Variants in TMTC2 observed in about 807,000 individuals in gnomAD.
TMTC2 encodes the protein transmembrane O-mannosyltransferase targeting cadherins 2.
TMTC2 carries 43 observed loss-of-function variants against 82.4 expected under a neutral mutation model. The ratio of observed to expected loss-of-function variants is 0.52; its 90% CI spans 0.41 to 0.67. The LOEUF (loss-of-function observed/expected upper bound fraction) is 0.67, where lower values mean the gene tolerates loss of function less well. Among genes scored for constraint, TMTC2 ranks in the 30% least tolerant of loss-of-function variants. The probability of loss-of-function intolerance (pLI) is 0.00; values close to 1 mark genes in which losing one functional copy is unlikely to be tolerated. For missense variants in TMTC2, 919 were observed against 1,012.4 expected (o/e 0.91, Z 1.25); for synonymous variants, 408 against 381.9 (o/e 1.07, Z -0.80).
intron 11 of TMTC2, among the ~76,000 whole-genome samples, chr12:83,069,926 C>T (rs544054657): frequency 4.6e-5 from 7 of 152,086 alleles, no homozygotes; most frequent in Non-Finnish European, 4.4e-5. Context: ...ATTATCCCAG[C>T]ACCATTTGTT....
chr12:82,967,191 C>A (rs920480961), intron 7 of TMTC2, among the ~76,000 whole-genome samples, 194 bp downstream of exon 7: 1 of 152,014 alleles, frequency 6.6e-6, no homozygotes, highest in African/African-American at 2.4e-5. Context: ...ATTAAAGCAG[C>A]GATTCCCAAC....
At chr12:82,997,221 C>CTCTCTCTCTCTCTCTCTA (rs1451262969) in intron 8 of TMTC2, among the ~76,000 whole-genome samples, 7 of 118,546 alleles carry the variant, frequency 5.9e-5, no homozygotes, top group African/African-American at 2.2e-4. Flanking sequence ...CTCTCTCTCT[C>CTCTCTCTCTCTCTCTCTA]TATATATATA....
chr12:82,741,643 C>T (rs908683485), intron 1 of TMTC2, among the ~76,000 whole-genome samples: 7 of 152,148 alleles, frequency 4.6e-5, no homozygotes, highest in African/African-American at 7.2e-5. Flanking sequence ...CCAATCTGAC[C>T]TTCTTTACCT....
intron 1 of TMTC2, among the ~76,000 whole-genome samples, chr12:82,796,513 G>T (rs566186620): frequency 8.6e-5 from 13 of 152,028 alleles, no homozygotes; most frequent in Non-Finnish European, 1.5e-4. Flanking sequence ...TTACATTTTG[G>T]TGAAAATAAT....
chr12:82,741,925 C>G (rs1288950792), intron 1 of TMTC2, among the ~76,000 whole-genome samples: 1 of 152,066 alleles, frequency 6.6e-6, no homozygotes, highest in African/African-American at 2.4e-5. Flanking sequence ...GAGCAATGAC[C>G]AAGATGCAAG....
intron 9 of TMTC2, among the ~76,000 whole-genome samples, chr12:83,032,090 G>A (rs566687321): frequency 2.2e-4 from 33 of 151,664 alleles, no homozygotes; most frequent in Admixed American, 1.3e-4. Flanking sequence ...CATGAATGTC[G>A]TTCCATGGTG....
chr12:82,953,216 G>T (rs1164422570), intron 4 of TMTC2, among the ~76,000 whole-genome samples: 1 of 152,162 alleles, frequency 6.6e-6, no homozygotes, highest in Admixed American at 6.5e-5. Context: ...TTCTTGTGCT[G>T]CTCGTGACAT....
intron 11 of TMTC2, among the ~76,000 whole-genome samples, chr12:83,083,375 A>C (rs1883538753): frequency 6.6e-6 from 1 of 152,158 alleles, no homozygotes; most frequent in Non-Finnish European, 1.5e-5. Flanking sequence ...TCGGGCAGTA[A>C]CTTAAATACC....
At chr12:83,018,662 G>GT (rs1565855432) in intron 8 of TMTC2, among the ~76,000 whole-genome samples, 2 of 35,414 alleles carry the variant, frequency 5.6e-5, no homozygotes, top group African/African-American at 8.9e-5. Flanking sequence ...AAAATTTGCG[G>GT]GTTTTTTTTT....
chr12:82,727,384 G>T (rs1347400712), intron 1 of TMTC2, among the ~76,000 whole-genome samples: 1 of 151,970 alleles, frequency 6.6e-6, no homozygotes, highest in Non-Finnish European at 1.5e-5. Context: ...CTTTTCCAGA[G>T]CTACCCTGAC....
At chr12:82,930,275 C>A (rs10506881) in intron 3 of TMTC2, among the ~76,000 whole-genome samples, 156 bp from the exon 4 acceptor site, 3 of 152,016 alleles carry the variant, frequency 2.0e-5, no homozygotes, top group Admixed American at 2.0e-4. Flanking sequence ...ATCTCCTGGC[C>A]TGATGAAATG....
intron 1 of TMTC2, among the ~76,000 whole-genome samples, chr12:82,801,226 T>A (rs1036350001): frequency 6.6e-6 from 1 of 151,788 alleles, no homozygotes; most frequent in Non-Finnish European, 1.5e-5. Context: ...TTGCGGTGAG[T>A]GTTACAGTTC....
At chr12:82,861,080 A>G (rs1201128041) in intron 2 of TMTC2, among the ~76,000 whole-genome samples, 1 of 152,250 alleles carries the variant, frequency 6.6e-6, no homozygotes, top group African/African-American at 2.4e-5. Context: ...ATGGTTTGCC[A>G]GATGAGATAA....
chr12:82,777,809 C>T (rs1171722823), intron 1 of TMTC2, among the ~76,000 whole-genome samples: 1 of 152,080 alleles, frequency 6.6e-6, no homozygotes, highest in Non-Finnish European at 1.5e-5. Context: ...ACATTCATCT[C>T]TTCAGTGGCT....
At chr12:82,936,841 A>G (rs1262400822) in intron 4 of TMTC2, among the ~76,000 whole-genome samples, 2 of 152,112 alleles carry the variant, frequency 1.3e-5, no homozygotes, top group Non-Finnish European at 2.9e-5. Context: ...ACATTTTCTT[A>G]TTCATTATTG....
chr12:82,942,512 T>C (rs1876777987), intron 4 of TMTC2, among the ~76,000 whole-genome samples: 1 of 152,196 alleles, frequency 6.6e-6, no homozygotes, highest in South Asian at 2.1e-4. Context: ...AGAATATAAA[T>C]AGCCTTTTGA....
At chr12:82,879,412 C>G (rs138622728) in intron 2 of TMTC2, among the ~76,000 whole-genome samples, 42 of 152,284 alleles carry the variant, frequency 2.8e-4, no homozygotes, top group Middle Eastern at 6.8e-3. Flanking sequence ...CAACCTAGAT[C>G]CCTCGCATGT....
intron 8 of TMTC2, among the ~76,000 whole-genome samples, chr12:82,988,077 TA>T (rs760109119): frequency 1.2e-4 from 18 of 152,150 alleles, no homozygotes; most frequent in Non-Finnish European, 4.4e-5. Flanking sequence ...GTGAGGTGCA[TA>T]AAAGTACTGG....
intron 3 of TMTC2, among the ~76,000 whole-genome samples, chr12:82,929,105 C>T (rs2137240640): frequency 1.3e-5 from 2 of 152,126 alleles, no homozygotes; most frequent in South Asian, 4.2e-4. Context: ...GAGAGGGCCT[C>T]ACTCTGTCGC....
Sources: allele counts gnomAD v4.1 joint callset (sites outside exome capture counted in the v4.1 genomes callset), GRCh38; gene constraint gnomAD v4.1.1; transcripts MANE v1.5; gene names NCBI Gene and HGNC (gene_info 2026-07-23, HGNC 2026-07-21).